Variants in SMG6 observed in about 807,000 individuals in gnomAD.
SMG6 encodes telomerase-binding protein EST1A.
In SMG6, 66 loss-of-function variants were observed where a neutral mutation model predicts 142.2. The observed-to-expected ratio is 0.46, with a 90% CI of 0.38 to 0.57. The LOEUF (loss-of-function observed/expected upper bound fraction) is 0.57, where lower values mean the gene tolerates loss of function less well. SMG6 is among the 20% of genes least tolerant of loss of function. The probability of loss-of-function intolerance (pLI) is 0.00; values close to 1 mark genes in which losing one functional copy is unlikely to be tolerated. For missense variants in SMG6, 1,793 were observed against 1,832.0 expected (o/e 0.98, Z 0.39); for synonymous variants, 779 against 702.4 (o/e 1.11, Z -1.72).
rs1454816454 is a variant in SMG6 at position 2,121,603 on chromosome 17, G to C, written c.3358-35702C>G. On this transcript the variant is annotated intron_variant, in intron 13 of 18. Coordinates refer to ENST00000263073, the MANE Select transcript of SMG6 (RefSeq NM_017575.5). ...CATGTCTGTCTGTGTGTGTGTGTGT[G>C]TGTGTGTGTGTGTGTGTGTGTGTGT... Among the ~76,000 whole-genome samples, 166 of 22,540 alleles carry C rather than the reference G, an allele frequency of 7.4e-3. 1 individual carries two copies. Among genetic ancestry groups the C allele is most frequent in the Non-Finnish European group, 8.8e-3 (101 of 11,416 alleles). The allele number at this position is 22,540 out of a possible 152,430, so 14.8% of individuals were successfully genotyped here.
chr17:2,097,606 C>T (rs1042445507), intron 13 of SMG6, among the ~76,000 whole-genome samples: 3 of 152,034 alleles, frequency 2.0e-5, no homozygotes, highest in Admixed American at 6.6e-5. Context: ...ATCTGCCTCC[C>T]AATGCTTCTA....
chr17:2,174,338 G>A (rs2071596373), intron 12 of SMG6, among the ~76,000 whole-genome samples: 1 of 152,204 alleles, frequency 6.6e-6, no homozygotes. Flanking sequence ...TTCTCCTGGA[G>A]ACCAAGAATC....
At chr17:2,138,082 C>A (rs1182781402) in intron 13 of SMG6, among the ~76,000 whole-genome samples, 1 of 151,948 alleles carries the variant, frequency 6.6e-6, no homozygotes, top group Non-Finnish European at 1.5e-5. Flanking sequence ...AGAACTGTGT[C>A]CACACCTGGA....
At chr17:2,138,194 T>C (rs2070366544) in intron 13 of SMG6, among the ~76,000 whole-genome samples, 1 of 150,666 alleles carries the variant, frequency 6.6e-6, no homozygotes, top group South Asian at 2.1e-4. Context: ...AGAAAAAAAA[T>C]ATACGGTAAA....
chr17:2,168,864 T>C (rs2071419439), intron 13 of SMG6, among the ~76,000 whole-genome samples: 1 of 151,990 alleles, frequency 6.6e-6, no homozygotes, highest in African/African-American at 2.4e-5. Context: ...TTCTCCTGTC[T>C]CAGCCTCCCG....
chr17:2,258,894 A>G (rs2074253007), intron 8 of SMG6, among the ~76,000 whole-genome samples: 2 of 152,088 alleles, frequency 1.3e-5, no homozygotes, highest in East Asian at 1.9e-4. Flanking sequence ...CCTGGCCAAC[A>G]TGGTGAAACC....
At position 2,299,607 on chromosome 17, in the gene SMG6, C is replaced by G. The variant is rs771893026; in HGVS notation, c.1146G>C (p.Leu382Phe). 3 of 1,614,212 alleles carry G rather than the reference C, an allele frequency of 1.9e-6. No individual in the cohort carries two copies. The Admixed American group carries it at 5.0e-5, about 27-fold the overall frequency. Residue 382 changes from leucine to phenylalanine, a missense_variant, in exon 2 of 19, where the codon TTG (leucine) becomes TTC (phenylalanine). By Grantham distance (22) the Leu-to-Phe change is conservative (BLOSUM62 0). This residue lies in a region of SMG6 where 1,597 missense variants were observed against 1,584.6 expected (regional missense o/e 1.01). Transcript: ENST00000263073. This position sits in a 1 kb window ranked among gnomAD's most constrained non-coding sequence, Gnocchi z 4.3. The part of the protein sequence containing the change: ...DMDRGKPDKG[L>F]SSGGKGSEKQ... ...TCTCAGAGCCTTTGCCCCCACTGCT[C>G]AAGCCTTTGTCAGGCTTTCCTCTAT...
At chr17:2,236,300 A>C (rs1317265739) in intron 10 of SMG6, among the ~76,000 whole-genome samples, 192 bp downstream of exon 10, 1 of 148,836 alleles carries the variant, frequency 6.7e-6, no homozygotes, top group African/African-American at 2.5e-5. Context: ...ATCCCACCCA[A>C]GCACTAGAGA....
intron 10 of SMG6, among the ~76,000 whole-genome samples, chr17:2,200,723 T>C (rs1597586168): frequency 6.6e-6 from 1 of 152,302 alleles, no homozygotes; most frequent in African/African-American, 2.4e-5. Context: ...TATTTATTTA[T>C]GAATGAGACA....
At chr17:2,152,491 C>A (rs1468833832) in intron 13 of SMG6, among the ~76,000 whole-genome samples, 3 of 152,092 alleles carry the variant, frequency 2.0e-5, no homozygotes, top group Non-Finnish European at 4.4e-5. Context: ...ATATAAAGAC[C>A]TCTCAAGACT....
intron 10 of SMG6, among the ~76,000 whole-genome samples, chr17:2,223,532 C>A (rs1270764199): frequency 6.6e-6 from 1 of 152,154 alleles, no homozygotes; most frequent in Non-Finnish European, 1.5e-5. Flanking sequence ...GCACAGAGAA[C>A]CCTGACTAAT....
At chr17:2,086,982 CCT>C (rs2068580119) in intron 13 of SMG6, 1 of 1,284,684 alleles carries the variant, frequency 7.8e-7, no homozygotes, top group Non-Finnish European at 1.0e-6. Context: ...CTGACTAGCC[CCT>C]GCCTCTCTTT....
chr17:2,197,561 C>CA (rs1253725664), intron 10 of SMG6, among the ~76,000 whole-genome samples: 7 of 148,234 alleles, frequency 4.7e-5, no homozygotes, highest in East Asian at 4.0e-4. Context: ...GACCCTGTCT[C>CA]AAAAAAAACA....
chr17:2,105,499 C>T (rs772218426), intron 13 of SMG6, among the ~76,000 whole-genome samples: 11 of 151,968 alleles, frequency 7.2e-5, no homozygotes, highest in East Asian at 1.9e-4. Flanking sequence ...GCCAAGACCG[C>T]GCCACTGCAC....
chr17:2,236,775 T>C (rs977080063), intron 9 of SMG6, 138 bp from the exon 10 acceptor site: 1 of 1,348,248 alleles, frequency 7.4e-7, no homozygotes, highest in East Asian at 2.7e-5. Flanking sequence ...GCCTAGGACA[T>C]TTCTTTGCTA....
In SMG6 at chr17:2,066,004, T is replaced by A. The variant is rs2067932028; in HGVS notation, c.3836-325A>T. On this transcript the variant is annotated intron_variant, in intron 16 of 18. Coordinates refer to ENST00000263073, the MANE Select transcript of SMG6 (RefSeq NM_017575.5). ...GCATTCCTTGGTTACAGGACTCACG[T>A]GAAAGGGTCCCTCAGGAGAGTCCAG... 4 of 371,346 alleles carry A rather than the reference T, an allele frequency of 1.1e-5. No individual in the cohort carries two copies. In the South Asian group the frequency reaches 1.1e-4, roughly 10 times the overall value. The allele number at this position is 371,346 out of a possible 1,614,324, so 23.0% of individuals were successfully genotyped here.
In SMG6 at chr17:2,163,231, GGCTGGAAT is replaced by G. The variant is rs1167794205; in HGVS notation, c.3357+9419_3357+9426del. Among the ~76,000 whole-genome samples the G allele has an allele frequency of 2.6e-5, 4 of 152,068 alleles. No homozygotes were observed. The East Asian group carries it at 7.7e-4, about 29-fold the overall frequency. ...AGACAGGGTCTTGCTCTGTCACTCA[GGCTGGAAT>G]GCAGTGGTATGATCACAGCTCACTA... is the stretch of plus-strand genomic sequence containing the variant. On this transcript the variant is annotated intron_variant, in intron 13 of 18. Transcript: ENST00000263073.
chr17:2,165,918 A>T (rs1349012959), intron 13 of SMG6, among the ~76,000 whole-genome samples: 2 of 152,032 alleles, frequency 1.3e-5, no homozygotes, highest in East Asian at 3.9e-4. Flanking sequence ...AACACAAAGA[A>T]ACAAACAAAA....
intron 13 of SMG6, among the ~76,000 whole-genome samples, chr17:2,104,564 C>T (rs930929750): frequency 6.6e-6 from 1 of 151,612 alleles, no homozygotes; most frequent in African/African-American, 2.4e-5. Flanking sequence ...AAAAAAGGTT[C>T]AGGGTAGTGG....
Sources: allele counts gnomAD v4.1 joint callset (sites outside exome capture counted in the v4.1 genomes callset), GRCh38; gene constraint gnomAD v4.1.1; regional missense constraint gnomAD v4.1.1; non-coding constraint Gnocchi (gnomAD v3.1); transcripts MANE v1.5; gene names NCBI Gene and HGNC (gene_info 2026-07-23, HGNC 2026-07-21).